The following HS2ST1 variants were observed in gnomAD, a reference collection of about 807,000 sequenced individuals.
HS2ST1 encodes the protein heparan sulfate 2-O-sulfotransferase 1, also known as 2-O-sulfotransferase.
HS2ST1 carries 18 observed loss-of-function variants against 42.9 expected under a neutral mutation model. The ratio of observed to expected loss-of-function variants is 0.42; its 90% CI spans 0.29 to 0.62. HS2ST1 has a LOEUF of 0.62. Among genes scored for constraint, HS2ST1 ranks in the 20% least tolerant of loss-of-function variants. The pLI is 0.21. For synonymous variants in HS2ST1, 146 were observed against 152.9 expected, an observed-to-expected ratio of 0.95 and a Z score of 0.33; for missense variants, 334 against 433.8, an observed-to-expected ratio of 0.77 and a Z score of 2.04.
intron 1 of HS2ST1, among the ~76,000 whole-genome samples, chr1:87,031,986 T>C (rs1050518379): frequency 6.6e-6 from 1 of 152,224 alleles, no homozygotes; most frequent in Non-Finnish European, 1.5e-5. Flanking sequence ...ATTCTTTCTT[T>C]ATTGTTGCAA....
chr1:87,069,032 G>T (rs7553360), intron 1 of HS2ST1, among the ~76,000 whole-genome samples: 109,751 of 151,938 alleles, frequency 0.72, 41,674 homozygotes, highest in East Asian at 0.97. Context: ...ATTTGTTAAG[G>T]GGAAATAGAT....
chr1:86,978,627 A>G (rs924945549), intron 1 of HS2ST1, among the ~76,000 whole-genome samples: 3 of 152,174 alleles, frequency 2.0e-5, no homozygotes, highest in African/African-American at 4.8e-5. Flanking sequence ...TTGTGGTTGT[A>G]TAATTTGGCA....
At chr1:87,101,149 G>GTGTGTTTTTTTTTT (rs1557546421) in intron 5 of HS2ST1, among the ~76,000 whole-genome samples, 2 of 59,540 alleles carry the variant, frequency 3.4e-5, no homozygotes, top group Admixed American at 2.8e-4. Flanking sequence ...GTGTGTGTGT[G>GTGTGTTTTTTTTTT]TTTTTTGTTT....
rs958929357 is a variant in HS2ST1, at chr1:87,054,821, A to G, written c.125-18113A>G. On this transcript the variant is annotated intron_variant, in intron 1 of 6. Coordinates refer to ENST00000370550, the MANE Select transcript of HS2ST1 (RefSeq NM_012262.4). ...AGAGGAAAGGAGCATAATTCCTTGA[A>G]TTACTGCATAAAAGGCTGTCTGCCA... Among the ~76,000 whole-genome samples the G allele has an allele frequency of 2.0e-5, 3 of 152,342 alleles. No individual in the cohort carries two copies. In the South Asian group the frequency reaches 6.2e-4, roughly 32 times the overall value.
intron 1 of HS2ST1, among the ~76,000 whole-genome samples, chr1:87,030,113 G>C (rs1650190357): frequency 6.6e-6 from 1 of 152,122 alleles, no homozygotes; most frequent in Non-Finnish European, 1.5e-5. Flanking sequence ...ACAGCCCTGG[G>C]GTCCTTAGCT....
At chr1:87,002,158 C>T (rs1348891135) in intron 1 of HS2ST1, among the ~76,000 whole-genome samples, 6 of 152,060 alleles carry the variant, frequency 3.9e-5, no homozygotes, top group Non-Finnish European at 7.4e-5. Flanking sequence ...GTGATCCACC[C>T]GCTTCAGCCT....
At chr1:87,081,024 T>TA (rs570792227) in intron 2 of HS2ST1, among the ~76,000 whole-genome samples, 130 of 152,292 alleles carry the variant, frequency 8.5e-4, no homozygotes, top group Non-Finnish European at 1.6e-3. Flanking sequence ...TTTTTAAACA[T>TA]ACGTCTGTCC....
At chr1:86,982,867 C>T (rs969699603) in intron 1 of HS2ST1, among the ~76,000 whole-genome samples, 13 of 152,140 alleles carry the variant, frequency 8.5e-5, no homozygotes, top group Admixed American at 6.5e-4. Context: ...TGTCAGATAA[C>T]CTAAATCGTC....
At chr1:87,039,113 CT>C in intron 1 of HS2ST1, among the ~76,000 whole-genome samples, 2 of 152,224 alleles carry the variant, frequency 1.3e-5, no homozygotes, top group East Asian at 3.9e-4. Context: ...AGCACCTCTC[CT>C]TTGGTAATTG....
intron 1 of HS2ST1, among the ~76,000 whole-genome samples, chr1:86,929,536 C>G (rs1279905670): frequency 6.6e-6 from 1 of 151,826 alleles, no homozygotes; most frequent in Non-Finnish European, 1.5e-5. Flanking sequence ...ACTCTCTTCA[C>G]TCTTTCCTAT....
At chr1:87,045,799 C>T (rs1234892646) in intron 1 of HS2ST1, 5 of 828,996 alleles carry the variant, frequency 6.0e-6, no homozygotes, top group South Asian at 4.0e-5. Flanking sequence ...AAATCCATTG[C>T]ATATGGGTCA....
intron 1 of HS2ST1, among the ~76,000 whole-genome samples, chr1:87,016,357 C>T (rs901643533): frequency 6.6e-6 from 1 of 152,142 alleles, no homozygotes; most frequent in African/African-American, 2.4e-5. Flanking sequence ...TGGGAGACAT[C>T]AGTTTTGGAG....
chr1:86,995,912 G>C (rs1293817416), intron 1 of HS2ST1, among the ~76,000 whole-genome samples: 1 of 152,166 alleles, frequency 6.6e-6, no homozygotes, highest in African/African-American at 2.4e-5. Context: ...TCTCTGAAAA[G>C]GTGATAATTA....
At chr1:87,012,145 A>G (rs1164715213) in intron 1 of HS2ST1, among the ~76,000 whole-genome samples, 7 of 152,180 alleles carry the variant, frequency 4.6e-5, no homozygotes, top group Non-Finnish European at 2.9e-5. Flanking sequence ...TTACTTCCCC[A>G]TCAGCATTTC....
Position 87,095,953 on chromosome 1 carries a change from G to T in HS2ST1, c.589-1885G>T, listed in dbSNP as rs962229462. On this transcript the variant is annotated intron_variant, in intron 4 of 6. Transcript: ENST00000370550. ...TCTTTTTATCATCTGGCTTACTATA[G>T]ACAGCCGGTTTTCTTTTTTTTTTTT... Among the ~76,000 whole-genome samples, 5 of 149,504 alleles carry T rather than the reference G, an allele frequency of 3.3e-5. No homozygotes were observed. In the East Asian group the frequency reaches 7.8e-4, roughly 23 times the overall value.
intron 1 of HS2ST1, among the ~76,000 whole-genome samples, chr1:86,954,040 TAAAAAAAAAAAAAAA>T (rs367757359): frequency 3.0e-5 from 2 of 67,338 alleles, no homozygotes; most frequent in East Asian, 5.0e-4. Context: ...CTGTTTTTTT[TAAAAAAAAAAAAAAA>T]AAAAAAAAAA....
intron 1 of HS2ST1, among the ~76,000 whole-genome samples, chr1:87,019,604 A>C (rs1334131551): frequency 6.6e-6 from 1 of 152,160 alleles, no homozygotes; most frequent in Non-Finnish European, 1.5e-5. Context: ...AGTTGGTTGC[A>C]AGTGTTGATT....
At chr1:87,057,882 T>C (rs539480531) in intron 1 of HS2ST1, among the ~76,000 whole-genome samples, 3 of 151,498 alleles carry the variant, frequency 2.0e-5, no homozygotes, top group South Asian at 2.1e-4. Context: ...AAAAAAACTG[T>C]ATTTTTTGTC....
chr1:87,096,804 A>G (rs1201784), intron 4 of HS2ST1, among the ~76,000 whole-genome samples: 112,823 of 152,108 alleles, frequency 0.74, 43,256 homozygotes, highest in East Asian at 0.97. Context: ...TTCAAGTGAC[A>G]GGCATAATTT....
Sources: allele counts gnomAD v4.1 joint callset (sites outside exome capture counted in the v4.1 genomes callset), GRCh38; gene constraint gnomAD v4.1.1; transcripts MANE v1.5; gene names NCBI Gene and HGNC (gene_info 2026-07-23, HGNC 2026-07-21).